LARGE1: variants seen among roughly 807,000 people sequenced by gnomAD.
LARGE1 encodes LARGE xylosyl- and glucuronyltransferase 1.
LARGE1 carries 43 observed loss-of-function variants against 87.6 expected under a neutral mutation model. That is an observed-to-expected ratio of 0.49 (90% CI 0.38 to 0.63). LARGE1 has a LOEUF of 0.63. Among genes scored for constraint, LARGE1 ranks in the 30% least tolerant of loss-of-function variants. The probability of loss-of-function intolerance (pLI) is 0.00; values close to 1 mark genes in which losing one functional copy is unlikely to be tolerated. For missense variants in LARGE1, 802 were observed against 1,000.2 expected (o/e 0.80, Z 2.67); for synonymous variants, 434 against 394.6 (o/e 1.10, Z -1.18).
At chr22:33,170,493 A>G (rs1922507504) in intron 11 of LARGE1, among the ~76,000 whole-genome samples, 1 of 152,100 alleles carries the variant, frequency 6.6e-6, no homozygotes, top group Non-Finnish European at 1.5e-5. Context: ...CGGAGGAGAG[A>G]CTGGTGGGAG....
At chr22:33,549,884 C>T (rs2077472987) in intron 6 of LARGE1, among the ~76,000 whole-genome samples, 1 of 152,082 alleles carries the variant, frequency 6.6e-6, no homozygotes, top group African/African-American at 2.4e-5. Context: ...GAAGGTTTCC[C>T]ATCATTCTGT....
chr22:33,135,420 T>C, the LARGE1 span, among the ~76,000 whole-genome samples: 15,653 of 152,240 alleles, frequency 0.1, 915 homozygotes, highest in South Asian at 0.21. Flanking sequence ...ATTCAAAATC[T>C]CCAGGAAAAA....
chr22:33,902,776 A>T (rs1470563438), intron 1 of LARGE1, among the ~76,000 whole-genome samples: 1 of 152,200 alleles, frequency 6.6e-6, no homozygotes, highest in Non-Finnish European at 1.5e-5. Flanking sequence ...CCAACTTCGT[A>T]TGTTGAAGTT....
At chr22:33,335,157 T>C (rs60456272) in intron 10 of LARGE1, among the ~76,000 whole-genome samples, 3,675 of 152,288 alleles carry the variant, frequency 0.024, 146 homozygotes, top group African/African-American at 0.085. Context: ...ATTTAACGTT[T>C]GCAAAAATGT....
At chr22:33,149,278 G>A in the LARGE1 span, among the ~76,000 whole-genome samples, 7 of 151,834 alleles carry the variant, frequency 4.6e-5, no homozygotes, top group African/African-American at 1.5e-4. Flanking sequence ...TCCTGACCTC[G>A]TGATCCGCCC....
intron 2 of LARGE1, among the ~76,000 whole-genome samples, chr22:33,728,580 C>CAAAA (rs2083353150): frequency 2.4e-5 from 2 of 81,982 alleles, no homozygotes; most frequent in Admixed American, 1.5e-4. Context: ...AAAAAAAAAA[C>CAAAA]CAACAACAGA....
intron 6 of LARGE1, among the ~76,000 whole-genome samples, chr22:33,528,726 G>A (rs902789081): frequency 6.6e-6 from 1 of 152,104 alleles, no homozygotes; most frequent in Non-Finnish European, 1.5e-5. Flanking sequence ...GGTGGTTAGC[G>A]AGGGAGGGGG....
intron 3 of LARGE1, among the ~76,000 whole-genome samples, chr22:33,647,152 C>G (rs2080644329): frequency 1.3e-5 from 2 of 152,200 alleles, no homozygotes; most frequent in Admixed American, 6.5e-5. Flanking sequence ...TGGGGTAGGT[C>G]TCATGGATAC....
rs1167949586 is a variant in LARGE1 at position 33,763,167 on chromosome 22, G to A, written c.-82-1609C>T. On this transcript the variant is annotated intron_variant, in intron 1 of 14. Transcript: ENST00000397394. The stretch of plus-strand genomic sequence containing the variant: ...TTAGCATATTGCCTGTCAGCTGCAG[G>A]TGCCTGATAACTGTCTGTTAAATGA... Among the ~76,000 whole-genome samples, 4 of 152,154 alleles carry A rather than the reference G, an allele frequency of 2.6e-5. No individual in the cohort carries two copies. In the East Asian group the frequency reaches 5.8e-4, roughly 22 times the overall value.
chr22:33,860,355 A>G (rs1457094992), intron 1 of LARGE1, among the ~76,000 whole-genome samples: 1 of 152,194 alleles, frequency 6.6e-6, no homozygotes, highest in African/African-American at 2.4e-5. Context: ...TAAGACTTAA[A>G]TAAAATAATG....
intron 11 of LARGE1, among the ~76,000 whole-genome samples, chr22:33,187,120 C>A (rs1323210732): frequency 1.3e-5 from 2 of 152,194 alleles, no homozygotes; most frequent in African/African-American, 4.8e-5. Flanking sequence ...ACCATATGAT[C>A]CAGCAGTCCC....
intron 7 of LARGE1, among the ~76,000 whole-genome samples, chr22:33,405,467 T>C (rs1413613769): frequency 1.3e-5 from 2 of 152,194 alleles, no homozygotes; most frequent in Non-Finnish European, 2.9e-5. Flanking sequence ...GTCTCTGTTG[T>C]CATTCATTAC....
chr22:33,497,800 G>C (rs140264807), intron 6 of LARGE1, among the ~76,000 whole-genome samples: 358 of 152,322 alleles, frequency 2.4e-3, no homozygotes, highest in African/African-American at 8.3e-3. Flanking sequence ...TAGTGGTTTA[G>C]AAGAGCCTTT....
intron 1 of LARGE1, among the ~76,000 whole-genome samples, chr22:33,762,747 T>C (rs1238985212): frequency 6.6e-6 from 1 of 152,164 alleles, no homozygotes; most frequent in East Asian, 1.9e-4. Flanking sequence ...GCCCATGATC[T>C]TTCACCTGAT....
intron 7 of LARGE1, among the ~76,000 whole-genome samples, chr22:33,394,003 G>C (rs1286363389): frequency 1.3e-5 from 2 of 151,308 alleles, no homozygotes; most frequent in East Asian, 3.9e-4. Context: ...GGAAAGAAAA[G>C]TAGGTATCTG....
intron 6 of LARGE1, among the ~76,000 whole-genome samples, chr22:33,456,106 A>G (rs1284787258): frequency 6.6e-6 from 1 of 152,238 alleles, no homozygotes; most frequent in African/African-American, 2.4e-5. Flanking sequence ...GTTGGAAACA[A>G]GCAACAAGAG....
chr22:33,447,944 T>C (rs2067753844), intron 6 of LARGE1, among the ~76,000 whole-genome samples: 1 of 152,190 alleles, frequency 6.6e-6, no homozygotes, highest in African/African-American at 2.4e-5. Context: ...TGGATGAACC[T>C]TGGAAACCTT....
At position 33,274,471 on chromosome 22, in the gene LARGE1, C is replaced by T; in HGVS notation, c.2227G>A (p.Gly743Ser). 4.3e-6 allele frequency: 7 copies of T among 1,614,168 alleles called. No individual in the cohort carries two copies. Among genetic ancestry groups the T allele is most frequent in the Non-Finnish European group, 5.9e-6 (7 of 1,180,040 alleles). Residue 743 changes from glycine to serine, a missense_variant, in exon 15 of 15, where the codon GGC becomes AGC. By Grantham distance (56) the Gly-to-Ser change is moderately conservative. This residue lies in a region of LARGE1 where 625 missense variants were observed against 841.9 expected (regional missense o/e 0.74). Transcript: ENST00000397394. ...GTGAGATATTTCAGGGCAGCAAAGC[C>T]GTAGCGGCGGGACATGTCCTGCTGA... Reference protein sequence around the residue: ...EFQQDMSRRYGFAALKYLTAE... With the variant: ...EFQQDMSRRYSFAALKYLTAE...
chr22:33,696,847 T>C (rs1471260918), intron 2 of LARGE1, among the ~76,000 whole-genome samples: 1 of 152,128 alleles, frequency 6.6e-6, no homozygotes, highest in African/African-American at 2.4e-5. Context: ...AGGTATTATA[T>C]TACATATGCA....
Sources: allele counts gnomAD v4.1 joint callset (sites outside exome capture counted in the v4.1 genomes callset), GRCh38; gene constraint gnomAD v4.1.1; regional missense constraint gnomAD v4.1.1; transcripts MANE v1.5; gene names NCBI Gene and HGNC (gene_info 2026-07-23, HGNC 2026-07-21).